The following BCAR3 variants were observed in gnomAD, a reference collection of about 807,000 sequenced individuals.
BCAR3 encodes breast cancer anti-estrogen resistance protein 3.
In BCAR3, 37 loss-of-function variants were observed where a neutral mutation model predicts 80.1. That is an observed-to-expected ratio of 0.46 (90% CI 0.36 to 0.61). BCAR3 has a LOEUF of 0.61. Ranked by LOEUF, BCAR3 falls within the 20% of genes least tolerant of loss-of-function variation. BCAR3 has a pLI of 0.00. For missense variants in BCAR3, 978 were observed against 1,068.2 expected (o/e 0.92, Z 1.18); for synonymous variants, 389 against 418.9 (o/e 0.93, Z 0.87).
At chr1:93,724,878 A>C (rs1650527352) in intron 2 of BCAR3, among the ~76,000 whole-genome samples, 1 of 152,206 alleles carries the variant, frequency 6.6e-6, no homozygotes, top group Non-Finnish European at 1.5e-5. Context: ...CTCTGAGTGC[A>C]TTAGCCCTCT....
intron 2 of BCAR3, among the ~76,000 whole-genome samples, chr1:93,727,949 A>G (rs919911119): frequency 6.6e-6 from 1 of 152,234 alleles, no homozygotes; most frequent in African/African-American, 2.4e-5. Flanking sequence ...ACAGGGCAAG[A>G]AACAGACACA....
intron 2 of BCAR3, among the ~76,000 whole-genome samples, chr1:93,800,051 G>A (rs2100787312): frequency 6.6e-6 from 1 of 152,244 alleles, no homozygotes; most frequent in African/African-American, 2.4e-5. Context: ...TTTTCATGCT[G>A]GGAGGATGGG....
At chr1:93,674,175 ACTGGCCTTGAG>A (rs1019321968) in intron 2 of BCAR3, among the ~76,000 whole-genome samples, 2 of 152,178 alleles carry the variant, frequency 1.3e-5, no homozygotes, top group African/African-American at 4.8e-5. Context: ...ACAAAACGGG[ACTGGCCTTGAG>A]CTGGTAACTG....
At chr1:93,723,609 C>T (rs1650481907) in intron 2 of BCAR3, 1 of 152,240 alleles carries the variant, frequency 6.6e-6, no homozygotes, top group Admixed American at 6.5e-5. Context: ...TTGATTTCCA[C>T]CCCCTCAATG....
At chr1:93,728,504 A>T (rs151182079) in intron 2 of BCAR3, among the ~76,000 whole-genome samples, 1 of 152,202 alleles carries the variant, frequency 6.6e-6, no homozygotes, top group Non-Finnish European at 1.5e-5. Flanking sequence ...GCCTTGGTGT[A>T]CCAGAAGAAT....
chr1:93,777,401 C>CTTCCTCCTCCTCCTCCTT, intron 2 of BCAR3, among the ~76,000 whole-genome samples: 1 of 124,714 alleles, frequency 8.0e-6, no homozygotes, highest in African/African-American at 4.5e-5. Context: ...TCTTCTTCCT[C>CTTCCTCCTCCTCCTCCTT]TTCCTCCTCC....
chr1:93,664,285 A>G (rs995095611), intron 2 of BCAR3, among the ~76,000 whole-genome samples: 10 of 152,064 alleles, frequency 6.6e-5, no homozygotes, highest in Non-Finnish European at 1.3e-4. Context: ...ACGCCCAGCT[A>G]ATTTTGTATT....
intron 2 of BCAR3, among the ~76,000 whole-genome samples, chr1:93,770,006 G>C (rs975948981): frequency 2.0e-5 from 3 of 152,192 alleles, no homozygotes; most frequent in African/African-American, 7.2e-5. Flanking sequence ...CTTCCCTGGG[G>C]AGGGCCCAGT....
intron 1 of BCAR3, among the ~76,000 whole-genome samples, chr1:93,680,772 G>A (rs1648718604): frequency 1.3e-5 from 2 of 152,270 alleles, no homozygotes; most frequent in South Asian, 4.2e-4. Flanking sequence ...GACCCGACCC[G>A]CCGCCCCACG....
At chr1:93,633,918 C>T (rs926670014) in intron 3 of BCAR3, among the ~76,000 whole-genome samples, 3 of 152,196 alleles carry the variant, frequency 2.0e-5, no homozygotes, top group African/African-American at 7.2e-5. Context: ...AGCCACCACA[C>T]CCAGCCTAGC....
At chr1:93,817,796 C>G (rs556566026) in intron 2 of BCAR3, among the ~76,000 whole-genome samples, 1 of 152,210 alleles carries the variant, frequency 6.6e-6, no homozygotes, top group East Asian at 1.9e-4. Context: ...GTTTACCCCC[C>G]CACATCCCTG....
At chr1:93,750,403 GT>G (rs1389659840) in intron 2 of BCAR3, among the ~76,000 whole-genome samples, 1 of 152,336 alleles carries the variant, frequency 6.6e-6, no homozygotes, top group African/African-American at 2.4e-5. Flanking sequence ...TGAGGATCAA[GT>G]GAATGTGCTT....
At chr1:93,739,863 C>T (rs781401780) in intron 2 of BCAR3, among the ~76,000 whole-genome samples, 4 of 151,688 alleles carry the variant, frequency 2.6e-5, no homozygotes, top group Non-Finnish European at 5.9e-5. Context: ...GGTGAAACCC[C>T]GTCTCTACAA....
intron 2 of BCAR3, among the ~76,000 whole-genome samples, chr1:93,744,741 C>T (rs1475201888): frequency 6.6e-6 from 1 of 152,240 alleles, no homozygotes; most frequent in Admixed American, 6.5e-5. Flanking sequence ...CTAGACCTCC[C>T]TCACTGACAT....
chr1:93,600,267 C>T (rs1459655538), intron 3 of BCAR3, among the ~76,000 whole-genome samples: 1 of 152,240 alleles, frequency 6.6e-6, no homozygotes, highest in Non-Finnish European at 1.5e-5. Context: ...AGGGAGCTGA[C>T]CCATGGCCCC....
intron 2 of BCAR3, among the ~76,000 whole-genome samples, chr1:93,749,314 C>T (rs748141852): frequency 2.0e-5 from 3 of 151,930 alleles, no homozygotes; most frequent in East Asian, 3.9e-4. Flanking sequence ...ATGGGCTGGC[C>T]GAGGTGGATC....
intron 2 of BCAR3, among the ~76,000 whole-genome samples, chr1:93,653,928 C>T (rs1410142163): frequency 1.3e-5 from 2 of 152,224 alleles, no homozygotes; most frequent in African/African-American, 4.8e-5. Flanking sequence ...AGGCCACCAT[C>T]ATCTCCCGCT....
At chr1:93,633,301 G>A (rs990333810) in intron 3 of BCAR3, among the ~76,000 whole-genome samples, 1 of 152,118 alleles carries the variant, frequency 6.6e-6, no homozygotes, top group African/African-American at 2.4e-5. Context: ...CATCCTGTTA[G>A]AATCTCTCAG....
At chr1:93,572,517 A>G (rs987711656) in intron 8 of BCAR3, among the ~76,000 whole-genome samples, 1 of 152,200 alleles carries the variant, frequency 6.6e-6, no homozygotes, top group Non-Finnish European at 1.5e-5. Context: ...CTCATCCTAA[A>G]CTACATGGGT....
Sources: allele counts gnomAD v4.1 joint callset (sites outside exome capture counted in the v4.1 genomes callset), GRCh38; gene constraint gnomAD v4.1.1; transcripts MANE v1.5; gene names NCBI Gene and HGNC (gene_info 2026-07-23, HGNC 2026-07-21).